SH3D19: variants seen among roughly 807,000 people sequenced by gnomAD.
SH3D19 encodes SH3 domain-containing protein 19.
Under a neutral mutation model 112.1 loss-of-function variants are expected in SH3D19, and 58 were observed. That is an observed-to-expected ratio of 0.52 (90% CI 0.42 to 0.64). SH3D19 has a LOEUF of 0.64. SH3D19 is among the 30% of genes least tolerant of loss of function. The pLI is 0.00. For synonymous variants in SH3D19, 391 were observed against 448.5 expected, an observed-to-expected ratio of 0.87 and a Z score of 1.62; for missense variants, 1,090 against 1,263.4, an observed-to-expected ratio of 0.86 and a Z score of 2.08.
chr4:151,139,918 CA>C, intron 12 of SH3D19, 71 bp from the exon 13 acceptor site: 1 of 1,450,034 alleles, frequency 6.9e-7, no homozygotes, highest in Non-Finnish European at 9.6e-7. Flanking sequence ...ACTCTGAGAC[CA>C]ATTTTTTTTT....
At chr4:151,127,962 G>T (rs1243733230) in intron 18 of SH3D19, among the ~76,000 whole-genome samples, 1 of 152,124 alleles carries the variant, frequency 6.6e-6, no homozygotes, top group Non-Finnish European at 1.5e-5. Context: ...TTATTAGATG[G>T]AATTAGCCAT....
intron 1 of SH3D19, among the ~76,000 whole-genome samples, chr4:151,234,766 TAGA>T (rs1769902831): frequency 2.3e-5 from 2 of 87,162 alleles, no homozygotes; most frequent in Non-Finnish European, 4.2e-5. Context: ...TTTTTTTTTT[TAGA>T]CAGGGGCTCA....
intron 2 of SH3D19, among the ~76,000 whole-genome samples, chr4:151,188,193 C>G (rs768072198): frequency 1.3e-5 from 2 of 151,992 alleles, no homozygotes; most frequent in Non-Finnish European, 2.9e-5. Flanking sequence ...ATTATAGGAG[C>G]AAAAAATTGA....
At chr4:151,210,873 G>T (rs1471014621) in intron 2 of SH3D19, among the ~76,000 whole-genome samples, 1 of 151,862 alleles carries the variant, frequency 6.6e-6, no homozygotes, top group Non-Finnish European at 1.5e-5. Context: ...AAATTTAATT[G>T]TTTGTTGTTG....
At chr4:151,221,657 T>C (rs1448653997) in intron 2 of SH3D19, among the ~76,000 whole-genome samples, 1 of 152,250 alleles carries the variant, frequency 6.6e-6, no homozygotes, top group East Asian at 1.9e-4. Flanking sequence ...CATTTATTTA[T>C]TCAACAATTA....
chr4:151,314,431 G>A (rs1190451291), intron 1 of SH3D19, among the ~76,000 whole-genome samples: 2 of 152,218 alleles, frequency 1.3e-5, no homozygotes, highest in Non-Finnish European at 2.9e-5. Context: ...AGCCTGCAGA[G>A]TAGTTAGGGC....
At chr4:151,312,095 G>C (rs1561452594) in intron 1 of SH3D19, among the ~76,000 whole-genome samples, 1 of 152,060 alleles carries the variant, frequency 6.6e-6, no homozygotes, top group Non-Finnish European at 1.5e-5. Flanking sequence ...TAATTAGCTT[G>C]ATTGTGGTAA....
Position 151,236,114 on chromosome 4 carries a change from T to A in SH3D19, c.113-10028A>T, listed in dbSNP as rs530075900. On this transcript the variant is annotated intron_variant, in intron 1 of 19. Coordinates refer to ENST00000604030, the MANE Select transcript of SH3D19 (RefSeq NM_001378122.1). ...GCTAGCAGCCCTCGTTCACTCTTGG[T>A]GCCTCCTCGGCCTCGGCGTCCGCTC... 7.9e-5 allele frequency among the ~76,000 whole-genome samples: 12 copies of A among 152,382 alleles called. No individual in the cohort carries two copies. In the South Asian group the frequency reaches 2.5e-3, roughly 32 times the overall value.
At chr4:151,250,041 A>T (rs1340342769) in intron 1 of SH3D19, among the ~76,000 whole-genome samples, 1 of 152,218 alleles carries the variant, frequency 6.6e-6, no homozygotes, top group Non-Finnish European at 1.5e-5. Context: ...GGGAAAAGGG[A>T]TGTTCTCCAT....
chr4:151,269,161 T>G (rs1773043837), intron 1 of SH3D19, among the ~76,000 whole-genome samples: 1 of 152,222 alleles, frequency 6.6e-6, no homozygotes, highest in Admixed American at 6.5e-5. Context: ...TATCTCATTG[T>G]GGTTTTGATT....
intron 2 of SH3D19, among the ~76,000 whole-genome samples, chr4:151,190,962 C>A (rs972807888): frequency 3.9e-5 from 6 of 152,218 alleles, no homozygotes; most frequent in African/African-American, 1.4e-4. Flanking sequence ...GGAGGCTATA[C>A]CCTGCAAAAC....
Position 151,135,136 on chromosome 4 carries a change from G to C in SH3D19, c.2428-4C>G. 1 of 1,590,890 alleles carries C rather than the reference G, an allele frequency of 6.3e-7. No individual in the cohort carries two copies. The highest frequency in any genetic ancestry group is 8.5e-7 in the Non-Finnish European group (1 of 1,169,660). ...TTCCTCCTTCTGGGATATCAATCTA[G>C]CAAAGATAAAATCAAGGCAACAATT... On this transcript the variant is annotated splice_region_variant and splice_polypyrimidine_tract_variant and intron_variant, in intron 14 of 19. Transcript: ENST00000604030.
rs566685234 is a variant in SH3D19 at position 151,240,863 on chromosome 4, A to G, written c.113-14777T>C. On this transcript the variant is annotated intron_variant, in intron 1 of 19. Transcript: ENST00000604030. ...AATATTCATAGTAGCATTATTTGTA[A>G]TAGCCAAAAAGTGAAACAACTCCAA... Among the ~76,000 whole-genome samples, 9 of 152,134 alleles carry G rather than the reference A, an allele frequency of 5.9e-5. No homozygotes were observed. In the East Asian group the frequency reaches 1.7e-3, roughly 29 times the overall value.
intron 7 of SH3D19, among the ~76,000 whole-genome samples, chr4:151,170,986 T>C (rs569920353): frequency 6.6e-6 from 1 of 152,334 alleles, no homozygotes; most frequent in East Asian, 1.9e-4. Context: ...CACCTAATAA[T>C]ATCTTGGAGG....
At position 151,174,697 on chromosome 4, in the gene SH3D19, C is replaced by A; in HGVS notation, c.1507G>T (p.Glu503Ter). Residue 503 changes from glutamate to a stop codon, truncating the protein, a stop_gained, in exon 7 of 20, where the codon GAA (glutamate) becomes TAA (stop). Transcript: ENST00000604030. LOFTEE classifies it high-confidence loss of function. ...LPTPSGNLAE[E>*]SVGSEMVLDP... Reference sequence around the variant, plus strand: ...AGAACCATCTCTGAACCAACAGATTCTTCAGCCAGGTTCCCCGATGGGGTG... The same window carrying A: ...AGAACCATCTCTGAACCAACAGATTATTCAGCCAGGTTCCCCGATGGGGTG... The A allele has an allele frequency of 6.6e-7, 1 of 1,514,410 alleles. No homozygotes were observed. The highest frequency in any genetic ancestry group is 8.8e-7 in the Non-Finnish European group (1 of 1,132,996). The allele number at this position is 1,514,410 out of a possible 1,614,324, so 93.8% of individuals were successfully genotyped here. A position where few individuals can be genotyped will look rare whatever the true frequency, so the allele number is the denominator to read the frequency against.
At chr4:151,161,896 C>G (rs574028150) in intron 8 of SH3D19, among the ~76,000 whole-genome samples, 2 of 151,570 alleles carry the variant, frequency 1.3e-5, no homozygotes, top group South Asian at 4.2e-4. Flanking sequence ...TCCCAAGTAG[C>G]TGGGATTACA....
chr4:151,241,912 G>A (rs1770588403), intron 1 of SH3D19, among the ~76,000 whole-genome samples: 1 of 151,964 alleles, frequency 6.6e-6, no homozygotes, highest in Non-Finnish European at 1.5e-5. Flanking sequence ...TCATATTTTG[G>A]CCAGTGTCCG....
At position 151,168,681 on chromosome 4, in the gene SH3D19, C is replaced by T. The variant is rs11943609; in HGVS notation, c.1535-2985G>A. Among the ~76,000 whole-genome samples the T allele has an allele frequency of 6.4e-3, 973 of 152,236 alleles. 8 individuals carry two copies. The highest frequency in any genetic ancestry group is 0.022 in the African/African-American group (922 of 41,530). On this transcript the variant is annotated intron_variant, in intron 7 of 19. Coordinates refer to ENST00000604030, the MANE Select transcript of SH3D19 (RefSeq NM_001378122.1). The stretch of plus-strand genomic sequence containing the variant: ...CTCTTGGGCTCAAGTGATCCTCCCA[C>T]CTTGGCCTCTCAAAGTGCTGGGATT...
intron 7 of SH3D19, among the ~76,000 whole-genome samples, chr4:151,171,542 C>A (rs1050499183): frequency 1.3e-5 from 2 of 152,126 alleles, no homozygotes; most frequent in African/African-American, 4.8e-5. Context: ...ACACCAGCAC[C>A]AATTATTCCA....
Sources: allele counts gnomAD v4.1 joint callset (sites outside exome capture counted in the v4.1 genomes callset), GRCh38; gene constraint gnomAD v4.1.1; transcripts MANE v1.5; gene names NCBI Gene and HGNC (gene_info 2026-07-23, HGNC 2026-07-21).